The following LHFPL3 variants were observed in gnomAD, a reference collection of about 807,000 sequenced individuals.
The protein encoded by LHFPL3 is LHFPL tetraspan subfamily member 3 protein.
LHFPL3 carries 5 observed loss-of-function variants against 19.3 expected under a neutral mutation model. The observed-to-expected ratio is 0.26, with a 90% CI of 0.14 to 0.54. The LOEUF is 0.54. LHFPL3 is among the 20% of genes least tolerant of loss of function. The pLI, the probability that LHFPL3 is intolerant of heterozygous loss-of-function variation, is 0.94. For synonymous variants in LHFPL3, 133 were observed against 126.2 expected (o/e 1.05, Z -0.36); for missense variants, 249 against 307.4 (o/e 0.81, Z 1.42).
At chr7:104,809,826 C>T (rs1790431646) in intron 2 of LHFPL3, among the ~76,000 whole-genome samples, 1 of 152,076 alleles carries the variant, frequency 6.6e-6, no homozygotes, top group Admixed American at 6.5e-5. Context: ...TTTTGAGCAC[C>T]AAGGATATGC....
intron 2 of LHFPL3, among the ~76,000 whole-genome samples, chr7:104,868,795 T>C (rs189494090): frequency 3.4e-4 from 51 of 152,212 alleles, no homozygotes; most frequent in African/African-American, 1.2e-3. Flanking sequence ...AGAACAAAAC[T>C]GGAGGCATCA....
At position 104,832,779 on chromosome 7, in the gene LHFPL3, C is replaced by G. The variant is rs375208001; in HGVS notation, c.683-73408C>G. Among the ~76,000 whole-genome samples the G allele has an allele frequency of 1.6e-3, 237 of 149,042 alleles. 5 individuals are homozygous for G. The highest frequency in any genetic ancestry group is 5.7e-3 in the African/African-American group (227 of 40,146). On this transcript the variant is annotated intron_variant, in intron 2 of 2. Coordinates refer to ENST00000424859, the MANE Select transcript of LHFPL3 (RefSeq NM_199000.3). Reference sequence around the variant, plus strand: ...ATCACTTGAGGTCAGGAGTTCGAGACCAGCCTGGCCAACATGACGAAACCC... The same window carrying G: ...ATCACTTGAGGTCAGGAGTTCGAGAGCAGCCTGGCCAACATGACGAAACCC...
intron 1 of LHFPL3, among the ~76,000 whole-genome samples, chr7:104,595,774 G>A (rs559462591): frequency 4.5e-4 from 69 of 152,346 alleles, no homozygotes; most frequent in African/African-American, 1.6e-3. Flanking sequence ...AATGGCAGAC[G>A]CCCCTCCCCC....
intron 1 of LHFPL3, among the ~76,000 whole-genome samples, chr7:104,334,545 T>C (rs139690185): frequency 1.3e-5 from 2 of 152,328 alleles, no homozygotes; most frequent in East Asian, 3.9e-4. Context: ...AGACTCCATC[T>C]CAAAAGAAAT....
At chr7:104,899,841 C>A (rs1013094836) in intron 2 of LHFPL3, among the ~76,000 whole-genome samples, 1 of 152,134 alleles carries the variant, frequency 6.6e-6, no homozygotes, top group African/African-American at 2.4e-5. Flanking sequence ...AAGTGATTAT[C>A]CTGCCTCAGC....
At chr7:104,563,367 C>T (rs561978984) in intron 1 of LHFPL3, among the ~76,000 whole-genome samples, 164 of 151,900 alleles carry the variant, frequency 1.1e-3, no homozygotes, top group Admixed American at 0.01. Context: ...GAGCCAGGTG[C>T]GGGATATAAT....
At chr7:104,611,404 G>C (rs71558689) in intron 1 of LHFPL3, among the ~76,000 whole-genome samples, 1 of 152,160 alleles carries the variant, frequency 6.6e-6, no homozygotes, top group Non-Finnish European at 1.5e-5. Flanking sequence ...TACAGGCCAC[G>C]TGGGGAGGGA....
chr7:104,885,450 C>A (rs1316589183), intron 2 of LHFPL3, among the ~76,000 whole-genome samples: 1 of 152,152 alleles, frequency 6.6e-6, no homozygotes, highest in Non-Finnish European at 1.5e-5. Context: ...TCTCTTGTTC[C>A]CCATCTCAGT....
chr7:104,720,073 A>T lies in LHFPL3; in HGVS notation c.446-16602A>T, dbSNP rs76867565. 7.9e-5 allele frequency among the ~76,000 whole-genome samples: 12 copies of T among 152,256 alleles called. No individual in the cohort carries two copies. The South Asian group carries it at 2.5e-3, about 32-fold the overall frequency. On this transcript the variant is annotated intron_variant, in intron 1 of 2. Transcript: ENST00000424859. ...GGCAGAAGAACATGGCTCTGGCTCT[A>T]TTAGCCAAAAGGACTTACTAGTCTG...
chr7:104,427,608 G>A (rs201623606), intron 1 of LHFPL3, among the ~76,000 whole-genome samples: 1 of 152,238 alleles, frequency 6.6e-6, no homozygotes, highest in East Asian at 1.9e-4. Context: ...TCTACTATCG[G>A]TCTTTGTATT....
chr7:104,655,712 C>T (rs1584463677), intron 1 of LHFPL3, among the ~76,000 whole-genome samples: 1 of 152,174 alleles, frequency 6.6e-6, no homozygotes, highest in African/African-American at 2.4e-5. Context: ...TTAACTTATG[C>T]TGCATTATAT....
intron 1 of LHFPL3, among the ~76,000 whole-genome samples, chr7:104,416,880 T>C (rs1209704207): frequency 6.6e-6 from 1 of 152,118 alleles, no homozygotes; most frequent in Non-Finnish European, 1.5e-5. Flanking sequence ...CATCATCCCA[T>C]GGTGGAAGGC....
chr7:104,654,848 C>G (rs73413771), intron 1 of LHFPL3, among the ~76,000 whole-genome samples: 1 of 152,326 alleles, frequency 6.6e-6, no homozygotes, highest in African/African-American at 2.4e-5. Flanking sequence ...GCCCCTTCCT[C>G]TAGTGTAGGT....
At chr7:104,542,512 C>A (rs989435326) in intron 1 of LHFPL3, among the ~76,000 whole-genome samples, 2 of 152,072 alleles carry the variant, frequency 1.3e-5, no homozygotes, top group African/African-American at 4.8e-5. Flanking sequence ...CTAAATTAGT[C>A]CTATAGAGAA....
intron 1 of LHFPL3, among the ~76,000 whole-genome samples, chr7:104,520,958 T>A (rs1349938084): frequency 6.0e-5 from 9 of 150,540 alleles, no homozygotes; most frequent in Non-Finnish European, 7.4e-5. Context: ...TCAGTTCTTC[T>A]CTGATTTTAG....
In LHFPL3 at chr7:104,344,361, C is replaced by A. The variant is rs540328283; in HGVS notation, c.445+15137C>A. 3.3e-5 allele frequency among the ~76,000 whole-genome samples: 5 copies of A among 152,000 alleles called. No homozygotes were observed. The South Asian group carries it at 1.0e-3, about 32-fold the overall frequency. On this transcript the variant is annotated intron_variant, in intron 1 of 2. Coordinates refer to ENST00000424859, the MANE Select transcript of LHFPL3 (RefSeq NM_199000.3). Reference sequence around the variant, plus strand: ...GCTGAGATTTTAGTGCACCTATAGCCCGAGTTGTATACATTGTGCTCAATA... The same window carrying A: ...GCTGAGATTTTAGTGCACCTATAGCACGAGTTGTATACATTGTGCTCAATA...
chr7:104,497,398 C>G (rs994290288), intron 1 of LHFPL3, among the ~76,000 whole-genome samples: 1 of 150,448 alleles, frequency 6.6e-6, no homozygotes, highest in Non-Finnish European at 1.5e-5. Context: ...AACACACACA[C>G]ATACACACAC....
At chr7:104,504,184 G>A (rs756669) in intron 1 of LHFPL3, among the ~76,000 whole-genome samples, 48,355 of 152,068 alleles carry the variant, frequency 0.32, 8,100 homozygotes, top group Middle Eastern at 0.4. Context: ...TTAAAATGCA[G>A]TGACCAAACT....
intron 1 of LHFPL3, among the ~76,000 whole-genome samples, chr7:104,392,670 G>T (rs1791101102): frequency 6.6e-6 from 1 of 152,176 alleles, no homozygotes; most frequent in Non-Finnish European, 1.5e-5. Flanking sequence ...GTCTCTGCCA[G>T]GCTTTGGTAT....
Sources: gnomAD v4.1 joint callset for allele counts (sites outside exome capture counted in the v4.1 genomes callset) on GRCh38, gnomAD v4.1.1 for gene constraint, MANE v1.5 for transcripts, NCBI Gene and HGNC (gene_info 2026-07-23, HGNC 2026-07-21) for gene names.